The following GAREM1 variants were observed in gnomAD, a reference collection of about 807,000 sequenced individuals.
GAREM1 encodes GRB2-associated and regulator of MAPK protein 1.
In GAREM1, 26 loss-of-function variants were observed where a neutral mutation model predicts 71.3. That is an observed-to-expected ratio of 0.36 (90% CI 0.27 to 0.51). GAREM1 has a LOEUF of 0.51. GAREM1 is among the 20% of genes least tolerant of loss of function. The pLI is 0.95. For synonymous variants in GAREM1, 440 were observed against 433.2 expected (o/e 1.02, Z -0.20); for missense variants, 1,026 against 1,103.1 (o/e 0.93, Z 0.99).
chr18:32,403,767 T>G (rs2048339558), intron 1 of GAREM1, among the ~76,000 whole-genome samples: 1 of 152,208 alleles, frequency 6.6e-6, no homozygotes. Flanking sequence ...TCATTTAAAC[T>G]GCAGTGATTT....
intron 4 of GAREM1, among the ~76,000 whole-genome samples, chr18:32,279,222 T>C (rs2041581847): frequency 6.6e-6 from 1 of 152,186 alleles, no homozygotes; most frequent in Non-Finnish European, 1.5e-5. Context: ...ACTTATCCAA[T>C]AGAACAGGGT....
At chr18:32,346,614 T>C (rs1479057114) in intron 2 of GAREM1, among the ~76,000 whole-genome samples, 2 of 152,170 alleles carry the variant, frequency 1.3e-5, no homozygotes, top group African/African-American at 2.4e-5. Flanking sequence ...GGAGAACAAA[T>C]GGTTTACTGT....
At chr18:32,462,946 G>T (rs1309410446) in intron 1 of GAREM1, among the ~76,000 whole-genome samples, 3 of 152,168 alleles carry the variant, frequency 2.0e-5, no homozygotes, top group Non-Finnish European at 2.9e-5. Context: ...GCAACTGGGG[G>T]AGGTTGGCCA....
rs182964455 is a variant in GAREM1 at position 32,402,167 on chromosome 18, A to G, written c.122-9132T>C. 1.5e-3 allele frequency among the ~76,000 whole-genome samples: 236 copies of G among 152,354 alleles called. 1 individual carries two copies. Among genetic ancestry groups the G allele is most frequent in the Middle Eastern group, 6.8e-3 (2 of 294 alleles). On this transcript the variant is annotated intron_variant, in intron 1 of 5. Coordinates refer to ENST00000269209, the MANE Select transcript of GAREM1 (RefSeq NM_001242409.2). Reference sequence around the variant, plus strand: ...GTTGCTTAACTACTACATATAATGTACTAAAATTTATATATTTAACTCAAC... The same window carrying G: ...GTTGCTTAACTACTACATATAATGTGCTAAAATTTATATATTTAACTCAAC...
rs2041360458 is a variant in GAREM1 at position 32,265,480 on chromosome 18, A to G, written c.*2391T>C. The G allele has an allele frequency of 6.6e-6, 1 of 152,198 alleles. No homozygotes were observed. The highest frequency in any genetic ancestry group is 2.4e-5 in the African/African-American group (1 of 41,444). The allele number at this position is 152,198 out of a possible 1,614,324, so 9.4% of individuals were successfully genotyped here. ...CACACATACATACTCTTAGCAACTG[A>G]GATTTCAAATATAAACAATATGATC... On this transcript the variant is annotated 3_prime_UTR_variant, in exon 6 of 6. Coordinates refer to ENST00000269209, the MANE Select transcript of GAREM1 (RefSeq NM_001242409.2).
chr18:32,451,248 T>TCCCCCCCCCCCCCCC (rs1164223308), intron 1 of GAREM1, among the ~76,000 whole-genome samples: 9 of 102,436 alleles, frequency 8.8e-5, no homozygotes, highest in African/African-American at 2.8e-4. Flanking sequence ...AGAGCCCCCA[T>TCCCCCCCCCCCCCCC]CCCCCCACCC....
intron 3 of GAREM1, among the ~76,000 whole-genome samples, chr18:32,298,052 T>C (rs1322762353): frequency 6.6e-6 from 1 of 152,212 alleles, no homozygotes; most frequent in African/African-American, 2.4e-5. Flanking sequence ...CACGTACAGA[T>C]TAAACAGATC....
chr18:32,429,173 G>A (rs1448386292), intron 1 of GAREM1, among the ~76,000 whole-genome samples: 5 of 152,106 alleles, frequency 3.3e-5, no homozygotes, highest in African/African-American at 9.7e-5. Context: ...GAAATGCCCT[G>A]TCTCAAATTT....
At chr18:32,275,864 G>A (rs1482391946) in intron 4 of GAREM1, among the ~76,000 whole-genome samples, 1 of 152,078 alleles carries the variant, frequency 6.6e-6, no homozygotes, top group African/African-American at 2.4e-5. Flanking sequence ...TTTTAGTAGA[G>A]ATGGGGTTTC....
chr18:32,274,349 T>C (rs948644041), intron 4 of GAREM1, among the ~76,000 whole-genome samples: 3 of 152,226 alleles, frequency 2.0e-5, no homozygotes, highest in African/African-American at 7.2e-5. Context: ...AGCTGTGCTT[T>C]AGATGAATTT....
chr18:32,382,053 C>A (rs2048102912), intron 2 of GAREM1, among the ~76,000 whole-genome samples: 2 of 152,162 alleles, frequency 1.3e-5, no homozygotes, highest in Admixed American at 6.6e-5. Flanking sequence ...AATTAAGAGA[C>A]CTGACTTGTT....
At chr18:32,443,559 A>T (rs966378617) in intron 1 of GAREM1, among the ~76,000 whole-genome samples, 2 of 152,214 alleles carry the variant, frequency 1.3e-5, no homozygotes, top group African/African-American at 4.8e-5. Flanking sequence ...GTCATCAGGG[A>T]CATATAAATC....
intron 2 of GAREM1, among the ~76,000 whole-genome samples, chr18:32,378,499 GAAA>G (rs201544063): frequency 3.1e-5 from 3 of 98,032 alleles, no homozygotes; most frequent in South Asian, 3.6e-4. Context: ...GACTGTCTCC[GAAA>G]AAAAAAAAAA....
intron 2 of GAREM1, among the ~76,000 whole-genome samples, chr18:32,377,109 G>T (rs1011961507): frequency 3.9e-5 from 6 of 152,168 alleles, no homozygotes; most frequent in Non-Finnish European, 7.3e-5. Flanking sequence ...GGCCACTAAG[G>T]AGTTGACCAG....
chr18:32,412,974 A>G, intron 1 of GAREM1: 1 of 1,480,172 alleles, frequency 6.8e-7, no homozygotes, highest in Non-Finnish European at 9.3e-7. Context: ...AGCTGCATCC[A>G]CCTCCTCCAC....
chr18:32,343,157 C>T (rs1567972018), intron 2 of GAREM1, among the ~76,000 whole-genome samples: 1 of 152,000 alleles, frequency 6.6e-6, no homozygotes, highest in Admixed American at 6.6e-5. Context: ...CAGCCATAAA[C>T]GTAAAAAACA....
chr18:32,275,682 ATC>A (rs1315331546), intron 4 of GAREM1, among the ~76,000 whole-genome samples: 1 of 151,898 alleles, frequency 6.6e-6, no homozygotes, highest in Non-Finnish European at 1.5e-5. Context: ...GAGTAAGTCT[ATC>A]TCTTTTTTTT....
At position 32,270,368 on chromosome 18, in the gene GAREM1, G is replaced by T. The variant is rs773577321; in HGVS notation, c.1582C>A (p.Arg528=). The T allele has an allele frequency of 6.2e-7, 1 of 1,612,678 alleles. No individual in the cohort carries two copies. The highest frequency in any genetic ancestry group is 2.2e-5 in the East Asian group (1 of 44,850). Residue 528 remains arginine (R), a synonymous_variant, in exon 5 of 6, where the codon CGG becomes AGG. Coordinates refer to ENST00000269209, the MANE Select transcript of GAREM1 (RefSeq NM_001242409.2). ...PKSEAVREEC[R]LLNAPPVPPR... ...GGAACAGGTGGGGCGTTCAGGAGCC[G>T]GCATTCTTCTCTGACCTGGCGCAGA...
chr18:32,285,642 C>T (rs1442508673), intron 4 of GAREM1, among the ~76,000 whole-genome samples: 1 of 152,246 alleles, frequency 6.6e-6, no homozygotes, highest in East Asian at 1.9e-4. Flanking sequence ...CATCCCGCGA[C>T]TAGAAGTTTC....
Sources: allele counts gnomAD v4.1 joint callset (sites outside exome capture counted in the v4.1 genomes callset), GRCh38; gene constraint gnomAD v4.1.1; transcripts MANE v1.5; gene names NCBI Gene and HGNC (gene_info 2026-07-23, HGNC 2026-07-21).